TPCN1: variants seen among roughly 807,000 people sequenced by gnomAD.
TPCN1 encodes the protein two pore segment channel 1, also known as two pore channel protein 1.
In TPCN1, 52 loss-of-function variants were observed where a neutral mutation model predicts 108.8. The ratio of observed to expected loss-of-function variants is 0.48; its 90% CI spans 0.38 to 0.60. The LOEUF (loss-of-function observed/expected upper bound fraction) is 0.60, where lower values mean the gene tolerates loss of function less well. Among genes scored for constraint, TPCN1 ranks in the 20% least tolerant of loss-of-function variants. The pLI, the probability that TPCN1 is intolerant of heterozygous loss-of-function variation, is 0.00. For synonymous variants in TPCN1, 446 were observed against 433.7 expected, an observed-to-expected ratio of 1.03 and a Z score of -0.35; for missense variants, 806 against 1,072.8, an observed-to-expected ratio of 0.75 and a Z score of 3.47.
intron 10 of TPCN1, among the ~76,000 whole-genome samples, chr12:113,275,407 C>T (rs1363809366): frequency 6.6e-6 from 1 of 151,054 alleles, no homozygotes; most frequent in Non-Finnish European, 1.5e-5. Context: ...CCACACCCGA[C>T]TAATTTTTGT....
At chr12:113,234,353 G>A (rs1460276348) in intron 2 of TPCN1, among the ~76,000 whole-genome samples, 1 of 152,216 alleles carries the variant, frequency 6.6e-6, no homozygotes, top group African/African-American at 2.4e-5. Flanking sequence ...CAAGATTTGG[G>A]CCTGGGAAAG....
intron 2 of TPCN1, chr12:113,246,005 A>C (rs1057106048): frequency 8.8e-6 from 4 of 455,972 alleles, no homozygotes; most frequent in African/African-American, 8.0e-5. Context: ...AGCTGTTTCG[A>C]GGGAGCGTCT....
intron 2 of TPCN1, among the ~76,000 whole-genome samples, chr12:113,238,932 A>G (rs552616477): frequency 6.6e-6 from 1 of 152,164 alleles, no homozygotes; most frequent in African/African-American, 2.4e-5. Flanking sequence ...GGAATTTGAG[A>G]CCAGCTTGGA....
In TPCN1 at chr12:113,297,540, C is replaced by T. The variant is rs904423521; in HGVS notation, c.*1464C>T. 6.5e-6 allele frequency: 1 copy of T among 152,764 alleles called. No homozygotes were observed. Among genetic ancestry groups the T allele is most frequent in the African/African-American group, 2.4e-5 (1 of 41,422 alleles). The allele number at this position is 152,764 out of a possible 1,614,324, so 9.5% of individuals were successfully genotyped here. Reference sequence around the variant, plus strand: ...AGCAGTACCTGGTCCCCCACCCCCTCCTCCCAACCACCTCCAAGGCCAAGC... The same window carrying T: ...AGCAGTACCTGGTCCCCCACCCCCTTCTCCCAACCACCTCCAAGGCCAAGC... On this transcript the variant is annotated 3_prime_UTR_variant, in exon 28 of 28. Transcript: ENST00000335509. This position sits in a 1 kb window ranked among gnomAD's most constrained non-coding sequence, Gnocchi z 4.4.
Position 113,291,914 on chromosome 12 carries a change from TC to T in TPCN1, c.2070del (p.Phe690LeufsTer5). ...TIIVAFILEA[F>X]VFRMNYSRKN... ...ATTGTCGCCTTTATCCTCGAGGCCT[TC>T]GTCTTCCGAATGAACTACAGCCGCA... On this transcript the variant is annotated frameshift_variant, in exon 25 of 28. Coordinates refer to ENST00000335509, the MANE Select transcript of TPCN1 (RefSeq NM_017901.6). LOFTEE classifies it high-confidence loss of function. The T allele has an allele frequency of 6.2e-7, 1 of 1,614,116 alleles. No homozygotes were observed.
In TPCN1 at chr12:113,290,684, C is replaced by T. The variant is rs754956744; in HGVS notation, c.1913-268C>T. The stretch of plus-strand genomic sequence containing the variant: ...GGTGTGCCCCCATGACACCCCAGAT[C>T]TGCACCCAGTAAGATCCAGATAGTC... On this transcript the variant is annotated intron_variant, in intron 22 of 27. Transcript: ENST00000335509. Among the ~76,000 whole-genome samples the T allele has an allele frequency of 2.0e-5, 3 of 152,330 alleles. No individual in the cohort carries two copies. The South Asian group carries it at 6.2e-4, about 32-fold the overall frequency.
At chr12:113,295,346 G>A (rs1437225044) in intron 27 of TPCN1, among the ~76,000 whole-genome samples, 1 of 151,790 alleles carries the variant, frequency 6.6e-6, no homozygotes, top group Non-Finnish European at 1.5e-5. Flanking sequence ...GGGAGGCTGA[G>A]GCGGGAGGAT....
intron 14 of TPCN1, among the ~76,000 whole-genome samples, chr12:113,279,121 T>C (rs1243200667): frequency 6.6e-6 from 1 of 151,778 alleles, no homozygotes; most frequent in African/African-American, 2.4e-5. Context: ...AAGATGTTCA[T>C]TGAAGAAACT....
At chr12:113,242,010 T>G (rs1954157825) in intron 2 of TPCN1, among the ~76,000 whole-genome samples, 1 of 151,876 alleles carries the variant, frequency 6.6e-6, no homozygotes, top group Non-Finnish European at 1.5e-5. Context: ...AAAGAAGAAG[T>G]CATGTCCTGC....
At chr12:113,233,223 C>T (rs1047455757) in intron 2 of TPCN1, among the ~76,000 whole-genome samples, 17 of 152,220 alleles carry the variant, frequency 1.1e-4, no homozygotes, top group East Asian at 3.8e-4. Context: ...GCACACAAGA[C>T]GCTGCCGCTC....
intron 3 of TPCN1, among the ~76,000 whole-genome samples, chr12:113,261,412 CT>C (rs1188898527): frequency 0.016 from 1,429 of 87,408 alleles, 2 homozygotes; most frequent in Non-Finnish European, 0.023. Flanking sequence ...ATAGCATAAG[CT>C]TTTTTTTTTT....
rs1383933219 is a variant in TPCN1, at chr12:113,291,956, A to G, written c.2111A>G (p.Glu704Gly). The change falls in exon 25 of 28, where the codon GAA (glutamate) becomes GGA (glycine). Residue 704 changes from glutamate to glycine, a missense_variant and splice_region_variant. Glu to Gly is a moderately conservative substitution (Grantham distance 98). Coordinates refer to ENST00000335509, the MANE Select transcript of TPCN1 (RefSeq NM_017901.6). ...TACAGCCGCAAGAACCAGGACTCGG[A>G]AGGTCTGTGCAGGGATGATGCCTTG... ...MNYSRKNQDSEVDGGITLEKE... is the reference protein window; with the variant it reads ...MNYSRKNQDSGVDGGITLEKE... 6.2e-7 allele frequency: 1 copy of G among 1,613,910 alleles called. No individual in the cohort carries two copies. Among genetic ancestry groups the G allele is most frequent in the Non-Finnish European group, 8.5e-7 (1 of 1,179,960 alleles).
At position 113,272,765 on chromosome 12, in the gene TPCN1, A is replaced by C. The variant is rs1593168856; in HGVS notation, c.783+73A>C. On this transcript the variant is annotated intron_variant, in intron 8 of 27. Transcript: ENST00000335509. The surrounding 1 kb of genome is among the most constrained non-coding windows in gnomAD (Gnocchi z 4.1). ...TCCCTCAGACAGGGTCACCGGCGTG[A>C]CCCTGTGGCCATATGGGGAAGGGGG... The C allele has an allele frequency of 6.7e-7, 1 of 1,490,672 alleles. No individual in the cohort carries two copies. Among genetic ancestry groups the C allele is most frequent in the Non-Finnish European group, 9.4e-7 (1 of 1,068,140 alleles). The allele number at this position is 1,490,672 out of a possible 1,614,324, so 92.3% of individuals were successfully genotyped here. A position where few individuals can be genotyped will look rare whatever the true frequency, so the allele number is the denominator to read the frequency against.
chr12:113,287,140 A>G (rs2241544), intron 19 of TPCN1, 46 bp downstream of exon 19: 276,412 of 1,499,022 alleles, frequency 0.18, 26,401 homozygotes, highest in African/African-American at 0.27. Flanking sequence ...GAGAGGGAGG[A>G]CGGGAATGCC....
At position 113,291,894 on chromosome 12, in the gene TPCN1, C is replaced by G. The variant is rs777651462; in HGVS notation, c.2049C>G (p.Val683=). The change falls in exon 25 of 28, where the codon GTC becomes GTG. Residue 683 remains valine, a synonymous_variant. Coordinates refer to ENST00000335509, the MANE Select transcript of TPCN1 (RefSeq NM_017901.6). The stretch of plus-strand genomic sequence containing the variant: ...GCCAGGTGGTGATGACGATCATTGT[C>G]GCCTTTATCCTCGAGGCCTTCGTCT... ...IVTMVVMTII[V]AFILEAFVFR... is the part of the protein sequence containing the mutation. 8 of 1,586,510 alleles carry G rather than the reference C, an allele frequency of 5.0e-6. No homozygotes were observed. The South Asian group carries it at 7.7e-5, about 15-fold the overall frequency.
chr12:113,294,656 G>A lies in TPCN1; in HGVS notation c.2335-1304G>A, dbSNP rs535951823. 6.5e-4 allele frequency among the ~76,000 whole-genome samples: 99 copies of A among 151,184 alleles called. 1 individual carries two copies. Among genetic ancestry groups the A allele is most frequent in the Non-Finnish European group, 1.1e-3 (73 of 67,812 alleles). On this transcript the variant is annotated intron_variant, in intron 27 of 27. Transcript: ENST00000335509. ...AAAAAAAAAAAAGGCAGAATCAGAT[G>A]TTTTTCTTTTTTTGCATGACCTCCC... is the stretch of plus-strand genomic sequence containing the variant.
At chr12:113,274,165 A>G (rs1955596674) in intron 10 of TPCN1, among the ~76,000 whole-genome samples, 1 of 152,236 alleles carries the variant, frequency 6.6e-6, no homozygotes, top group South Asian at 2.1e-4. Flanking sequence ...AATAGTTGTT[A>G]TACTGGGCTG....
chr12:113,275,464 G>A (rs1404698453), intron 10 of TPCN1, among the ~76,000 whole-genome samples: 2 of 151,934 alleles, frequency 1.3e-5, no homozygotes, highest in East Asian at 1.9e-4. Flanking sequence ...GGCTGGTCTC[G>A]AACTCCTGAC....
chr12:113,247,292 A>G (rs1271363023), intron 2 of TPCN1, among the ~76,000 whole-genome samples: 1 of 152,122 alleles, frequency 6.6e-6, no homozygotes, highest in East Asian at 1.9e-4. Context: ...TCTCCCAGAA[A>G]CCACTCCATC....
Sources: gnomAD v4.1 joint callset for allele counts (sites outside exome capture counted in the v4.1 genomes callset) on GRCh38, gnomAD v4.1.1 for gene constraint, Gnocchi (gnomAD v3.1) non-coding constraint, MANE v1.5 for transcripts, NCBI Gene and HGNC (gene_info 2026-07-23, HGNC 2026-07-21) for gene names.